The following EML4 variants were observed in gnomAD, a reference collection of about 807,000 sequenced individuals.
EML4 encodes EMAP like 4, also known as echinoderm microtubule-associated protein-like 4.
EML4 carries 72 observed loss-of-function variants against 129.0 expected under a neutral mutation model. The observed-to-expected ratio is 0.56, with a 90% CI of 0.46 to 0.68. EML4 has a LOEUF of 0.68. Ranked by LOEUF, EML4 falls within the 30% of genes least tolerant of loss-of-function variation. The probability of loss-of-function intolerance (pLI) is 0.00; values close to 1 mark genes in which losing one functional copy is unlikely to be tolerated. For synonymous variants in EML4, 532 were observed against 405.0 expected (o/e 1.31, Z -3.77); for missense variants, 1,363 against 1,190.6 (o/e 1.14, Z -2.13).
intron 17 of EML4, among the ~76,000 whole-genome samples, chr2:42,312,501 C>G (rs1169320820): frequency 1.3e-5 from 2 of 152,090 alleles, no homozygotes; most frequent in East Asian, 3.8e-4. Context: ...CTCCACAACC[C>G]CATATCATAA....
intron 1 of EML4, among the ~76,000 whole-genome samples, chr2:42,177,267 T>A (rs1322948240): frequency 6.6e-6 from 1 of 151,678 alleles, no homozygotes; most frequent in African/African-American, 2.4e-5. Flanking sequence ...TTTTTTTTTT[T>A]AAAGAAATGA....
chr2:42,303,382 A>G lies in EML4; in HGVS notation c.1835A>G (p.Gln612Arg), dbSNP rs909715426. The G allele has an allele frequency of 6.2e-7, 1 of 1,614,152 alleles. No homozygotes were observed. The highest frequency in any genetic ancestry group is 1.3e-5 in the African/African-American group (1 of 75,046). The change falls in exon 16 of 23, where the codon CAG becomes CGG. Residue 612 changes from glutamine to arginine, a missense_variant. Physicochemically the swap from Gln to Arg is conservative, Grantham distance 43 (BLOSUM62 1). Coordinates refer to ENST00000318522, the MANE Select transcript of EML4 (RefSeq NM_019063.5). ...PFKDLLLTCA[Q>R]DRQVCLWNSM... ...AAAGATTTGCTCTTGACATGTGCTC[A>G]GGACAGGCAGGTGTGCCTGTGGAAC...
intron 6 of EML4, among the ~76,000 whole-genome samples, chr2:42,275,156 T>C (rs1480290210): frequency 2.6e-5 from 4 of 152,218 alleles, no homozygotes; most frequent in African/African-American, 9.6e-5. Context: ...ACAAGTAATA[T>C]TAAGTTTTAA....
At chr2:42,248,531 T>C (rs746738899) in intron 2 of EML4, among the ~76,000 whole-genome samples, 12 of 152,192 alleles carry the variant, frequency 7.9e-5, no homozygotes, top group Non-Finnish European at 1.3e-4. Context: ...GGTCCTTTTC[T>C]AATTATCCTT....
intron 21 of EML4, among the ~76,000 whole-genome samples, 186 bp downstream of exon 21, chr2:42,326,438 A>C (rs11682029): frequency 0.6 from 91,387 of 152,110 alleles, 28,062 homozygotes; most frequent in East Asian, 0.75. Context: ...TTGCAGAATC[A>C]AGCACTTTTG....
intron 5 of EML4, 96 bp downstream of exon 5, chr2:42,263,402 T>A: frequency 6.8e-5 from 30 of 441,924 alleles, no homozygotes; most frequent in Non-Finnish European, 8.5e-5. Flanking sequence ...TTGAATCTTT[T>A]TTTTTTTTTT....
At chr2:42,296,770 TTAAATTTCGCATTACTGTTTTCTTATG>T (rs1425419331) in intron 13 of EML4, among the ~76,000 whole-genome samples, 1 of 152,208 alleles carries the variant, frequency 6.6e-6, no homozygotes. Flanking sequence ...AATGTGGAAT[TTAAATTTCGCATTACTGTTTTCTTATG>T]ACTGCACAGA....
intron 21 of EML4, 73 bp downstream of exon 21, chr2:42,326,325 T>G: frequency 9.9e-7 from 1 of 1,014,694 alleles, no homozygotes; most frequent in Non-Finnish European, 1.5e-6. Flanking sequence ...TGCTTAAATT[T>G]ATAAATGAAA....
intron 6 of EML4, among the ~76,000 whole-genome samples, chr2:42,273,271 T>C (rs1666473718): frequency 6.6e-6 from 1 of 152,222 alleles, no homozygotes; most frequent in African/African-American, 2.4e-5. Context: ...AGTTAGTCTT[T>C]TAGCAGTTTT....
intron 1 of EML4, among the ~76,000 whole-genome samples, chr2:42,239,909 G>T (rs1674910222): frequency 6.6e-6 from 1 of 152,040 alleles, no homozygotes; most frequent in Non-Finnish European, 1.5e-5. Context: ...GCATCTTAGA[G>T]ATTGGGAGGG....
chr2:42,256,796 G>A (rs1044240181), intron 3 of EML4, among the ~76,000 whole-genome samples, 166 bp downstream of exon 3: 2 of 152,190 alleles, frequency 1.3e-5, no homozygotes, highest in East Asian at 3.9e-4. Flanking sequence ...TGCTCACTCA[G>A]CTTGCACTCA....
At chr2:42,230,769 T>G (rs2104193988) in intron 1 of EML4, among the ~76,000 whole-genome samples, 1 of 152,324 alleles carries the variant, frequency 6.6e-6, no homozygotes, top group South Asian at 2.1e-4. Flanking sequence ...ACAGAAAAAT[T>G]AGGTAGAAAG....
At position 42,263,190 on chromosome 2, in the gene EML4, A is replaced by G. The variant is rs141433646; in HGVS notation, c.525A>G (p.Pro175=). Residue 175 remains proline, a synonymous_variant, in exon 5 of 23, where the codon CCA becomes CCG. Transcript: ENST00000318522. ...NATPTKSIKR[P]SPAEKSHNSW... is the part of the protein sequence containing the mutation. ...ATGTTCCTTCTAGCATAAAACGACCATCACCAGCTGAAAAGTCACATAATT... is the reference window on the plus strand; with the variant it reads ...ATGTTCCTTCTAGCATAAAACGACCGTCACCAGCTGAAAAGTCACATAATT... The G allele has an allele frequency of 3.9e-4, 623 of 1,612,026 alleles. No individual in the cohort carries two copies. In the African/African-American group the frequency reaches 7.7e-3, roughly 20 times the overall value.
intron 1 of EML4, among the ~76,000 whole-genome samples, chr2:42,223,315 C>G (rs1377318298): frequency 6.6e-6 from 1 of 152,072 alleles, no homozygotes; most frequent in Non-Finnish European, 1.5e-5. Context: ...TTCACAAATG[C>G]ACCACTACAA....
chr2:42,263,820 C>G (rs1434331652), intron 5 of EML4, among the ~76,000 whole-genome samples: 1 of 152,018 alleles, frequency 6.6e-6, no homozygotes, highest in Non-Finnish European at 1.5e-5. Context: ...ACCTCCGCCT[C>G]CCAGGTGCAA....
In EML4 at chr2:42,245,663, G is replaced by C. The variant is rs1675354546; in HGVS notation, c.184G>C (p.Val62Leu). The C allele has an allele frequency of 3.7e-6, 6 of 1,609,742 alleles. No homozygotes were observed. In the East Asian group the frequency reaches 1.3e-4, roughly 36 times the overall value. ...AATCTCTGAAGATCATGTGGCCTCA[G>C]TGAAAAAATCAGTCTCAAGTAAAGG... Reference protein sequence around the residue: ...LAISEDHVASVKKSVSSKGQP... With the variant: ...LAISEDHVASLKKSVSSKGQP... Residue 62 changes from valine (V) to leucine (L), a missense_variant, in exon 2 of 23, where the codon GTG (valine) becomes CTG (leucine). By Grantham distance (32) the Val-to-Leu change is conservative. Transcript: ENST00000318522.
At chr2:42,209,252 TC>T (rs1672739959) in intron 1 of EML4, among the ~76,000 whole-genome samples, 1 of 152,234 alleles carries the variant, frequency 6.6e-6, no homozygotes. Flanking sequence ...CTGGTTTTTT[TC>T]CTTTTATACA....
At chr2:42,180,192 G>C (rs946724013) in intron 1 of EML4, among the ~76,000 whole-genome samples, 1 of 152,084 alleles carries the variant, frequency 6.6e-6, no homozygotes, top group Admixed American at 6.5e-5. Context: ...GAAAATTCCA[G>C]GCAAACCCTT....
At chr2:42,315,428 A>T (rs113584078) in intron 17 of EML4, among the ~76,000 whole-genome samples, 1 of 152,372 alleles carries the variant, frequency 6.6e-6, no homozygotes, top group East Asian at 1.9e-4. Flanking sequence ...ATGGCAGTCA[A>T]TGAATACCCA....
Sources: gnomAD v4.1 joint callset for allele counts (sites outside exome capture counted in the v4.1 genomes callset) on GRCh38, gnomAD v4.1.1 for gene constraint, MANE v1.5 for transcripts, NCBI Gene and HGNC (gene_info 2026-07-23, HGNC 2026-07-21) for gene names.